NR2F2: variants seen among roughly 807,000 people sequenced by gnomAD.
NR2F2 encodes the protein COUP transcription factor 2.
Under a neutral mutation model 34.8 loss-of-function variants are expected in NR2F2, and 2 were observed. That is an observed-to-expected ratio of 0.06 (90% CI 0.02 to 0.18). The LOEUF (loss-of-function observed/expected upper bound fraction) is 0.18. NR2F2 is among the 10% of genes least tolerant of loss of function. NR2F2 has a pLI of 1.00. For synonymous variants in NR2F2, 274 were observed against 251.8 expected, an observed-to-expected ratio of 1.09 and a Z score of -0.84; for missense variants, 300 against 580.1, an observed-to-expected ratio of 0.52 and a Z score of 4.96.
At chr15:96,333,006 A>G (rs1357465894) in intron 1 of NR2F2, among the ~76,000 whole-genome samples, 1 of 150,576 alleles carries the variant, frequency 6.6e-6, no homozygotes, top group Non-Finnish European at 1.5e-5. Context: ...ACAAATGGCA[A>G]TTTTATGCAC....
In NR2F2 at chr15:96,337,611, G is replaced by A. The variant is rs201527820; in HGVS notation, c.1234G>A (p.Ala412Thr). The A allele has an allele frequency of 4.3e-6, 7 of 1,611,364 alleles. No individual in the cohort carries two copies. Among genetic ancestry groups the A allele is most frequent in the Non-Finnish European group, 1.7e-6 (2 of 1,178,168 alleles). The change falls in exon 3 of 3, where the codon GCA becomes ACA. Residue 412 changes from alanine to threonine, a missense_variant. Transcript: ENST00000394166. ...CAGCAGTTTTAACTGGCCGTATATG[G>A]CAATTCAATAAATAAATAAAATAAG... ...SGSSFNWPYMAIQ is the reference protein window; with the variant it reads ...SGSSFNWPYMTIQ
chr15:96,327,452 A>AT (rs759167186), upstream of NR2F2: 4 of 152,228 alleles, frequency 2.6e-5, no homozygotes, highest in African/African-American at 7.2e-5. Flanking sequence ...ATCTTAAGCA[A>AT]TTTTTTCCCT....
Position 96,334,599 on chromosome 15 carries a change from C to T in NR2F2, c.966C>T (p.Thr322=). 6.3e-7 allele frequency: 1 copy of T among 1,592,180 alleles called. No individual in the cohort carries two copies. Among genetic ancestry groups the T allele is most frequent in the Non-Finnish European group, 8.6e-7 (1 of 1,165,432 alleles). The change falls in exon 2 of 3, where the codon ACC becomes ACT. Residue 322 remains threonine, a synonymous_variant. Coordinates refer to ENST00000394166, the MANE Select transcript of NR2F2 (RefSeq NM_021005.4). ...YSCLKAIVLF[T]SDACGLSDVA... is the part of the protein sequence containing the mutation. ...GCCTCAAGGCCATAGTCCTGTTCAC[C>T]TCAGGTAGGAAGGAGCCCTGTCTTC...
chr15:96,334,183 C>T lies in NR2F2; in HGVS notation c.550C>T (p.Leu184=), dbSNP rs1168759387. Residue 184 remains leucine (L), a synonymous_variant, in exon 2 of 3, where the codon CTG becomes TTG. Transcript: ENST00000394166. The stretch of plus-strand genomic sequence containing the variant: ...CTCGTACCTGTCCGGATATATTTCC[C>T]TGCTGTTGCGCGCGGAGCCCTATCC... ...CHSYLSGYIS[L]LLRAEPYPTS... 3 of 1,614,212 alleles carry T rather than the reference C, an allele frequency of 1.9e-6. No homozygotes were observed. The highest frequency in any genetic ancestry group is 1.7e-6 in the Non-Finnish European group (2 of 1,180,044).
chr15:96,337,636 G>A lies in NR2F2; in HGVS notation c.*14G>A. On this transcript the variant is annotated 3_prime_UTR_variant, in exon 3 of 3. Transcript: ENST00000394166. ...GCAATTCAATAAATAAATAAAATAA[G>A]AAGGGGGAGTGAAACAGAGAAAGAA... 1 of 1,607,774 alleles carries A rather than the reference G, an allele frequency of 6.2e-7. No homozygotes were observed.
upstream of NR2F2, among the ~76,000 whole-genome samples, chr15:96,330,295 G>A (rs1359352643): frequency 6.6e-6 from 1 of 152,102 alleles, no homozygotes; most frequent in African/African-American, 2.4e-5. Flanking sequence ...GAGACGTTGT[G>A]TGTGCGCGCT....
In NR2F2 at chr15:96,340,011, A is replaced by C. The variant is rs1334511988; in HGVS notation, c.*2389A>C. On this transcript the variant is annotated 3_prime_UTR_variant, in exon 3 of 3. Transcript: ENST00000394166. ...ATCTGACTCTCACTTATTTCTGTAG[A>C]TATATACATATATAAATACAAGTAT... 1.3e-5 allele frequency: 2 copies of C among 152,364 alleles called. No homozygotes were observed. Among genetic ancestry groups the C allele is most frequent in the African/African-American group, 4.8e-5 (2 of 41,584 alleles). The allele number at this position is 152,364 out of a possible 1,614,324, so 9.4% of individuals were successfully genotyped here. A position where few individuals can be genotyped will look rare whatever the true frequency, so the allele number is the denominator to read the frequency against.
rs1170758319 is a variant in NR2F2 at position 96,332,210 on chromosome 15, C to T, written c.105C>T (p.Gly35=). ...CGCCCGTGCCCGGCCCGCCGCCCGG[C>T]GCCCCGCACACGCCACAGACGCCCG... is the stretch of plus-strand genomic sequence containing the variant. ...QAPPVPGPPP[G]APHTPQTPGQ... Residue 35 remains glycine, a synonymous_variant, in exon 1 of 3, where the codon GGC becomes GGT. Coordinates refer to ENST00000394166, the MANE Select transcript of NR2F2 (RefSeq NM_021005.4). 9.5e-6 allele frequency: 13 copies of T among 1,365,572 alleles called. No homozygotes were observed. Among genetic ancestry groups the T allele is most frequent in the East Asian group, 3.2e-5 (1 of 31,606 alleles). The allele number at this position is 1,365,572 out of a possible 1,614,324, so 84.6% of individuals were successfully genotyped here.
rs1899334897 is a variant in NR2F2 at position 96,336,618 on chromosome 15, A to C, written c.971-730A>C. ...TCAAAAAAGAAAAGTGTTTTCCTGA[A>C]GATAACAGGGAGGGGGGATGCTTCT... On this transcript the variant is annotated intron_variant, in intron 2 of 2. Transcript: ENST00000394166. Among the ~76,000 whole-genome samples, 3 of 151,648 alleles carry C rather than the reference A, an allele frequency of 2.0e-5. 1 individual carries two copies. Among genetic ancestry groups the C allele is most frequent in the Admixed American group, 2.0e-4 (3 of 15,212 alleles).
upstream of NR2F2, chr15:96,326,450 A>G (rs1196488100): frequency 3.8e-6 from 4 of 1,044,406 alleles, no homozygotes; most frequent in Admixed American, 3.7e-5. The surrounding 1 kb of genome is among the most constrained non-coding windows in gnomAD (Gnocchi z 5.5). Context: ...TTTTCAAAAT[A>G]TCGGTTTGCT....
At position 96,338,627 on chromosome 15, in the gene NR2F2, G is replaced by A. The variant is rs946805318; in HGVS notation, c.*1005G>A. 2.0e-5 allele frequency: 3 copies of A among 152,180 alleles called. No homozygotes were observed. Among genetic ancestry groups the A allele is most frequent in the Non-Finnish European group, 4.4e-5 (3 of 67,974 alleles). 9.4% of individuals were successfully genotyped at this position (152,180 alleles called of 1,614,324 possible). A position where few individuals can be genotyped will look rare whatever the true frequency, so the allele number is the denominator to read the frequency against. On this transcript the variant is annotated 3_prime_UTR_variant, in exon 3 of 3. Coordinates refer to ENST00000394166, the MANE Select transcript of NR2F2 (RefSeq NM_021005.4). ...AACACTGTTGGCACTTATAGGTAAC[G>A]TGATTGATTCAGTATCTTAGAGTTT...
chr15:96,334,125 C>T lies in NR2F2; in HGVS notation c.492C>T (p.Phe164=), dbSNP rs1313014374. ...MPPTQPTHGQ[F]ALTNGDPLNC... Reference sequence around the variant, plus strand: ...CGACCCAGCCGACCCACGGGCAGTTCGCGCTGACCAACGGGGATCCCCTCA... The same window carrying T: ...CGACCCAGCCGACCCACGGGCAGTTTGCGCTGACCAACGGGGATCCCCTCA... Residue 164 remains phenylalanine, a synonymous_variant, in exon 2 of 3, where the codon TTC becomes TTT. Coordinates refer to ENST00000394166, the MANE Select transcript of NR2F2 (RefSeq NM_021005.4). 2 of 1,613,588 alleles carry T rather than the reference C, an allele frequency of 1.2e-6. No homozygotes were observed. The highest frequency in any genetic ancestry group is 1.7e-5 in the Admixed American group (1 of 60,018).
At chr15:96,333,324 C>G (rs976021873) in intron 1 of NR2F2, 1 of 1,001,286 alleles carries the variant, frequency 1.0e-6, no homozygotes, top group Non-Finnish European at 1.2e-6. Context: ...TGTGTTTCTG[C>G]GAGAGCGACT....
intron 1 of NR2F2, chr15:96,333,855 G>A (rs1899236712): frequency 7.0e-7 from 1 of 1,421,684 alleles, no homozygotes; most frequent in African/African-American, 1.4e-5. Context: ...GCGGGCCTCG[G>A]AGGCAAGTGT....
intron 1 of NR2F2, 199 bp downstream of exon 1, chr15:96,332,746 C>T: frequency 8.3e-7 from 1 of 1,206,866 alleles, no homozygotes; most frequent in Non-Finnish European, 1.1e-6. Flanking sequence ...TGATTTCCTT[C>T]TTTACTCTCT....
chr15:96,338,213 A>G lies in NR2F2; in HGVS notation c.*591A>G, dbSNP rs1448466698. 1 of 152,738 alleles carries G rather than the reference A, an allele frequency of 6.5e-6. No individual in the cohort carries two copies. Among genetic ancestry groups the G allele is most frequent in the African/African-American group, 2.4e-5 (1 of 41,454 alleles). 9.5% of individuals were successfully genotyped at this position (152,738 alleles called of 1,614,324 possible). ...ACATAAAACTTTAAAAGGCAACTCA[A>G]AGATGATGGAAACGCACTTACAAGT... On this transcript the variant is annotated 3_prime_UTR_variant, in exon 3 of 3. Transcript: ENST00000394166.
At chr15:96,334,730 A>T (rs1899269569) in intron 2 of NR2F2, 127 bp downstream of exon 2, 1 of 1,038,424 alleles carries the variant, frequency 9.6e-7, no homozygotes, top group African/African-American at 1.6e-5. Context: ...AGTGCAACTT[A>T]AAGTGGGAAC....
rs908725010 is a variant in NR2F2 at position 96,331,074 on chromosome 15, C to G, written c.-1032C>G. 3.2e-6 allele frequency: 4 copies of G among 1,235,860 alleles called. No homozygotes were observed. The highest frequency in any genetic ancestry group is 4.0e-6 in the Non-Finnish European group (4 of 992,688). 76.6% of individuals were successfully genotyped at this position (1,235,860 alleles called of 1,614,324 possible). ...GGCGGCAGCAGCAGCAGCAGCGGCT[C>G]CGGCGGCGGCAGCAGCGGCAGCAGC... is the stretch of plus-strand genomic sequence containing the variant. On this transcript the variant is annotated 5_prime_UTR_variant, in exon 1 of 3. Transcript: ENST00000394166.
At chr15:96,336,009 T>C (rs898457114) in intron 2 of NR2F2, among the ~76,000 whole-genome samples, 5 of 152,192 alleles carry the variant, frequency 3.3e-5, no homozygotes, top group Non-Finnish European at 7.3e-5. Flanking sequence ...GCTGCAGATA[T>C]ACAGACAAGA....
Sources: gnomAD v4.1 joint callset for allele counts (sites outside exome capture counted in the v4.1 genomes callset) on GRCh38, gnomAD v4.1.1 for gene constraint, Gnocchi (gnomAD v3.1) non-coding constraint, MANE v1.5 for transcripts, NCBI Gene and HGNC (gene_info 2026-07-23, HGNC 2026-07-21) for gene names.